The following RFC3 variants were observed in gnomAD, a reference collection of about 807,000 sequenced individuals.
RFC3 encodes A1 38 kDa subunit.
A neutral mutation model predicts 45.1 loss-of-function variants in RFC3; 41 were observed. That is an observed-to-expected ratio of 0.91 (90% CI 0.71 to 1.18). The LOEUF is 1.18. RFC3 is among the 50% of genes most tolerant of loss of function. The pLI, the probability that RFC3 is intolerant of heterozygous loss-of-function variation, is 0.00. For synonymous variants in RFC3, 149 were observed against 144.0 expected, an observed-to-expected ratio of 1.03 and a Z score of -0.25; for missense variants, 423 against 428.1, an observed-to-expected ratio of 0.99 and a Z score of 0.10.
intron 8 of RFC3, among the ~76,000 whole-genome samples, chr13:33,940,334 T>A (rs2082915203): frequency 6.6e-6 from 1 of 152,228 alleles, no homozygotes; most frequent in African/African-American, 2.4e-5. Context: ...TTATTCTTGA[T>A]CCATGGAACA....
At chr13:33,974,773 A>G in the RFC3 span, among the ~76,000 whole-genome samples, 1 of 152,326 alleles carries the variant, frequency 6.6e-6, no homozygotes, top group East Asian at 1.9e-4. Flanking sequence ...TAAACATATA[A>G]AAAGTTCCCC....
intron 8 of RFC3, among the ~76,000 whole-genome samples, chr13:33,951,948 A>G (rs755510977): frequency 4.6e-5 from 7 of 152,228 alleles, no homozygotes; most frequent in Non-Finnish European, 7.3e-5. Flanking sequence ...TAGCTTATCA[A>G]TTGGAAGTCA....
downstream of RFC3, among the ~76,000 whole-genome samples, chr13:33,841,894 A>C (rs1429334173): frequency 6.6e-6 from 1 of 152,154 alleles, no homozygotes; most frequent in South Asian, 2.1e-4. Context: ...CCAGAACTCA[A>C]ATATCTTCCA....
At chr13:33,844,022 A>G (rs752718513) in intron 8 of RFC3, among the ~76,000 whole-genome samples, 6 of 151,996 alleles carry the variant, frequency 3.9e-5, no homozygotes, top group Admixed American at 6.6e-5. Context: ...GGTTTGTTCT[A>G]TGTTGATTGT....
At chr13:33,973,154 GTA>G in the RFC3 span, among the ~76,000 whole-genome samples, 12 of 150,456 alleles carry the variant, frequency 8.0e-5, no homozygotes, top group African/African-American at 1.5e-4. Flanking sequence ...GTGTGTGTGT[GTA>G]TATATATATA....
At chr13:33,830,149 T>C (rs906136791) in intron 5 of RFC3, 132 bp downstream of exon 5, 2 of 752,552 alleles carry the variant, frequency 2.7e-6, no homozygotes, top group Non-Finnish European at 4.3e-6. Context: ...AGCATTAATA[T>C]GTGAACAAAC....
intron 7 of RFC3, among the ~76,000 whole-genome samples, chr13:33,831,589 A>G (rs994991752): frequency 1.0e-5 from 1 of 97,636 alleles, no homozygotes; most frequent in African/African-American, 7.6e-5. Flanking sequence ...TGATCATGTA[A>G]AAGTGGAATT....
chr13:33,912,646 C>T (rs1190110394), intron 8 of RFC3, among the ~76,000 whole-genome samples: 1 of 151,824 alleles, frequency 6.6e-6, no homozygotes, highest in African/African-American at 2.4e-5. Context: ...GTATAGAAGC[C>T]GGATATGAAG....
intron 8 of RFC3, among the ~76,000 whole-genome samples, chr13:33,896,737 A>G (rs926626491): frequency 6.7e-4 from 99 of 148,558 alleles, no homozygotes; most frequent in Non-Finnish European, 1.3e-3. Context: ...AAAAAAAAAA[A>G]AAAAAAGCAA....
At chr13:33,846,412 T>G (rs1877125976) in intron 8 of RFC3, 1 of 152,240 alleles carries the variant, frequency 6.6e-6, no homozygotes, top group South Asian at 2.1e-4. Context: ...GGGAGCTAGG[T>G]CCTGGAATGA....
chr13:33,868,973 G>C (rs528786331), intron 8 of RFC3, among the ~76,000 whole-genome samples: 1 of 152,334 alleles, frequency 6.6e-6, no homozygotes, highest in East Asian at 1.9e-4. Flanking sequence ...GGTGAGAAGT[G>C]CTTCTGGGTG....
intron 8 of RFC3, among the ~76,000 whole-genome samples, chr13:33,890,103 C>G (rs2082554105): frequency 6.6e-6 from 1 of 152,074 alleles, no homozygotes; most frequent in African/African-American, 2.4e-5. Context: ...TCAGGAGCAG[C>G]CTTACGACCT....
chr13:33,839,169 G>A (rs574124393), downstream of RFC3, among the ~76,000 whole-genome samples: 185 of 152,260 alleles, frequency 1.2e-3, no homozygotes, highest in Middle Eastern at 3.4e-3. Flanking sequence ...TAGTTTAGCC[G>A]TCCGTCAGTT....
intron 8 of RFC3, among the ~76,000 whole-genome samples, chr13:33,965,628 G>T (rs1340945848): frequency 6.6e-6 from 1 of 152,156 alleles, no homozygotes; most frequent in African/African-American, 2.4e-5. Flanking sequence ...TATTGTTATT[G>T]CATTTTTATA....
chr13:33,882,531 G>A (rs1183458760), intron 8 of RFC3, among the ~76,000 whole-genome samples: 1 of 152,044 alleles, frequency 6.6e-6, no homozygotes, highest in Non-Finnish European at 1.5e-5. Context: ...GACAGAAAAG[G>A]GTTTGCTTCC....
At chr13:33,893,253 T>C (rs2082574889) in intron 8 of RFC3, among the ~76,000 whole-genome samples, 1 of 152,110 alleles carries the variant, frequency 6.6e-6, no homozygotes. Context: ...GGATATCCCC[T>C]TTGGAACCCC....
At chr13:33,946,079 C>T (rs2082952605) in intron 8 of RFC3, among the ~76,000 whole-genome samples, 1 of 152,190 alleles carries the variant, frequency 6.6e-6, no homozygotes. Context: ...TGGATAATCT[C>T]ATGTTGCCTG....
At chr13:33,977,044 GA>G in the RFC3 span, among the ~76,000 whole-genome samples, 7 of 151,714 alleles carry the variant, frequency 4.6e-5, no homozygotes, top group East Asian at 1.9e-4. Flanking sequence ...GTAATCGTGA[GA>G]AAAAAAATCA....
At chr13:33,906,860 G>T (rs148454745) in intron 8 of RFC3, among the ~76,000 whole-genome samples, 11 of 151,946 alleles carry the variant, frequency 7.2e-5, no homozygotes, top group African/African-American at 2.4e-4. Flanking sequence ...AAGCGATTTT[G>T]CTCTGTTGTC....
Sources: allele counts gnomAD v4.1 joint callset (sites outside exome capture counted in the v4.1 genomes callset), GRCh38; gene constraint gnomAD v4.1.1; transcripts MANE v1.5; gene names NCBI Gene and HGNC (gene_info 2026-07-23, HGNC 2026-07-21).